The following H6PD variants were observed in gnomAD, a reference collection of about 807,000 sequenced individuals.
The protein encoded by H6PD is GDH/6PGL endoplasmic bifunctional protein.
A neutral mutation model predicts 61.2 loss-of-function variants in H6PD; 48 were observed. The observed-to-expected ratio is 0.78, with a 90% CI of 0.62 to 1.00. H6PD has a LOEUF of 1.00. Among genes scored for constraint, H6PD ranks in the 50% least tolerant of loss-of-function variants. The pLI is 0.00. For synonymous variants in H6PD, 480 were observed against 457.9 expected (o/e 1.05, Z -0.62); for missense variants, 1,093 against 1,065.0 (o/e 1.03, Z -0.37).
chr1:9,253,873 G>T (rs1414838826), intron 3 of H6PD, among the ~76,000 whole-genome samples: 1 of 152,218 alleles, frequency 6.6e-6, no homozygotes, highest in East Asian at 1.9e-4. Context: ...TCTGTCATAA[G>T]AAAAATTCCA....
chr1:9,247,111 C>A, intron 3 of H6PD, 28 bp downstream of exon 3: 1 of 1,418,170 alleles, frequency 7.1e-7, no homozygotes, highest in South Asian at 1.1e-5. Flanking sequence ...CGCACTCGGT[C>A]CCCCAGCCTC....
In H6PD at chr1:9,253,592, C is replaced by T. The variant is rs144363355; in HGVS notation, c.745+6509C>T. ...TTCTTTCTTAGGGGTTATAAAACAG[C>T]GATGCTTCCGCCACTGATGGCATTT... On this transcript the variant is annotated intron_variant, in intron 3 of 4. Coordinates refer to ENST00000377403, the MANE Select transcript of H6PD (RefSeq NM_004285.4). 2.5e-3 allele frequency among the ~76,000 whole-genome samples: 378 copies of T among 152,290 alleles called. 2 individuals carry two copies. Among genetic ancestry groups the T allele is most frequent in the African/African-American group, 7.8e-3 (323 of 41,564 alleles).
intron 3 of H6PD, among the ~76,000 whole-genome samples, chr1:9,248,403 G>A (rs1557740100): frequency 6.6e-6 from 1 of 152,228 alleles, no homozygotes; most frequent in Non-Finnish European, 1.5e-5. Context: ...AGGTGCCACA[G>A]TGAGGTACAA....
Position 9,245,139 on chromosome 1 carries a change from G to A in H6PD, c.205G>A (p.Ala69Thr), listed in dbSNP as rs1462197453. Residue 69 changes from alanine to threonine, a missense_variant, in exon 2 of 5, where the codon GCC (alanine) becomes ACC (threonine). Physicochemically the swap from Ala to Thr is moderately conservative, Grantham distance 58. Transcript: ENST00000377403. This position sits in a 1 kb window ranked among gnomAD's most constrained non-coding sequence, Gnocchi z 4.8. ...SFSFHGAALT[A>T]PKQGQELMAK... The stretch of plus-strand genomic sequence containing the variant: ...TAGCTTCCATGGAGCTGCTCTGACA[G>A]CCCCCAAGCAGGGTCAAGAGCTCAT... The A allele has an allele frequency of 3.1e-6, 5 of 1,614,196 alleles. No homozygotes were observed. Among genetic ancestry groups the A allele is most frequent in the Non-Finnish European group, 4.2e-6 (5 of 1,180,030 alleles).
At position 9,264,304 on chromosome 1, in the gene H6PD, C is replaced by T. The variant is rs376136980; in HGVS notation, c.1811C>T (p.Thr604Met). 3.2e-5 allele frequency: 52 copies of T among 1,611,074 alleles called. No homozygotes were observed. The highest frequency in any genetic ancestry group is 1.6e-4 in the Middle Eastern group (1 of 6,082). ...SPVALFQQLA[T>M]AHYGFPWAHT... ...GTGGCCCTGTTCCAGCAGCTGGCCA[C>T]GGCGCACTATGGCTTCCCCTGGGCC... The change falls in exon 5 of 5, where the codon ACG becomes ATG. Residue 604 changes from threonine (T) to methionine (M), a missense_variant. Physicochemically the swap from Thr to Met is moderately conservative, Grantham distance 81 (BLOSUM62 -1). Coordinates refer to ENST00000377403, the MANE Select transcript of H6PD (RefSeq NM_004285.4).
chr1:9,253,183 G>C (rs903074773), intron 3 of H6PD, among the ~76,000 whole-genome samples: 3 of 152,122 alleles, frequency 2.0e-5, no homozygotes, highest in African/African-American at 7.2e-5. Flanking sequence ...AGCCAACCAG[G>C]CAAAGTCCAT....
chr1:9,258,160 T>C (rs1299617046), intron 3 of H6PD, among the ~76,000 whole-genome samples: 1 of 152,264 alleles, frequency 6.6e-6, no homozygotes, highest in African/African-American at 2.4e-5. Flanking sequence ...GGTGTTGTTA[T>C]GCTGGTGTTG....
At chr1:9,239,111 A>G (rs1050349163) in intron 1 of H6PD, among the ~76,000 whole-genome samples, 2 of 151,910 alleles carry the variant, frequency 1.3e-5, no homozygotes, top group Non-Finnish European at 2.9e-5. Context: ...CAGTGGTGCA[A>G]TCTCTGCTCA....
Position 9,269,062 on chromosome 1 carries a change from C to A in H6PD, c.*4193C>A, listed in dbSNP as rs1638664418. On this transcript the variant is annotated 3_prime_UTR_variant, in exon 5 of 5. Coordinates refer to ENST00000377403, the MANE Select transcript of H6PD (RefSeq NM_004285.4). The surrounding 1 kb of genome is among the most constrained non-coding windows in gnomAD (Gnocchi z 4.3). ...CCACTGATTTAAAAAAAAAAAACTG[C>A]CTGGCAGCATCTCAGTGTCAGAGTG... 1 of 152,082 alleles carries A rather than the reference C, an allele frequency of 6.6e-6. No homozygotes were observed. The highest frequency in any genetic ancestry group is 2.4e-5 in the African/African-American group (1 of 41,416). The allele number at this position is 152,082 out of a possible 1,614,324, so 9.4% of individuals were successfully genotyped here. A position where few individuals can be genotyped will look rare whatever the true frequency, so the allele number is the denominator to read the frequency against.
rs1029110614 is a variant in H6PD, at chr1:9,254,291, G to T, written c.745+7208G>T. Among the ~76,000 whole-genome samples, 3 of 152,122 alleles carry T rather than the reference G, an allele frequency of 2.0e-5. No homozygotes were observed. The highest frequency in any genetic ancestry group is 2.4e-5 in the African/African-American group (1 of 41,404). ...AATTGCTTGAACCCAGGAGGCGAAG[G>T]TTACAGTGAGCCAAGATCGCGCCAC... On this transcript the variant is annotated intron_variant, in intron 3 of 4. Coordinates refer to ENST00000377403, the MANE Select transcript of H6PD (RefSeq NM_004285.4). The surrounding 1 kb of genome is among the most constrained non-coding windows in gnomAD (Gnocchi z 4.6).
rs1270501855 is a variant in H6PD, at chr1:9,270,256, G to A, written c.*5387G>A. On this transcript the variant is annotated 3_prime_UTR_variant, in exon 5 of 5. Transcript: ENST00000377403. The stretch of plus-strand genomic sequence containing the variant: ...AGTCTGCATCTTTTCTTCCCTTGGT[G>A]TGGGAGAGGTAAACACTTTGATTTG... 6.6e-6 allele frequency: 1 copy of A among 152,636 alleles called. No individual in the cohort carries two copies. Among genetic ancestry groups the A allele is most frequent in the Non-Finnish European group, 1.5e-5 (1 of 68,046 alleles). 9.5% of individuals were successfully genotyped at this position (152,636 alleles called of 1,614,324 possible). A position where few individuals can be genotyped will look rare whatever the true frequency, so the allele number is the denominator to read the frequency against.
intron 1 of H6PD, among the ~76,000 whole-genome samples, chr1:9,241,124 G>A (rs1036018487): frequency 1.3e-5 from 2 of 152,176 alleles, no homozygotes; most frequent in African/African-American, 4.8e-5. Flanking sequence ...AGGAGAGGAG[G>A]GAGGTTCACA....
rs751137186 is a variant in H6PD, at chr1:9,264,100, C to T, written c.1607C>T (p.Pro536Leu). 40 of 1,613,824 alleles carry T rather than the reference C, an allele frequency of 2.5e-5. No individual in the cohort carries two copies. Among genetic ancestry groups the T allele is most frequent in the East Asian group, 1.8e-4 (8 of 44,890 alleles). The change falls in exon 5 of 5, where the codon CCG (proline) becomes CTG (leucine). Residue 536 changes from proline (P) to leucine (L), a missense_variant. Transcript: ENST00000377403. ...QPEQLVPGPG[P>L]APMPSDFQVL... ...GAGCAGCTGGTGCCAGGGCCAGGGC[C>T]GGCCCCAATGCCCAGTGACTTCCAG...
intron 3 of H6PD, among the ~76,000 whole-genome samples, chr1:9,252,444 G>A (rs1641397221): frequency 6.6e-6 from 1 of 151,936 alleles, no homozygotes; most frequent in Non-Finnish European, 1.5e-5. Flanking sequence ...ATGTTACCCA[G>A]GCTGGTCTTG....
intron 1 of H6PD, among the ~76,000 whole-genome samples, chr1:9,237,855 C>G (rs1570073379): frequency 6.6e-6 from 1 of 152,260 alleles, no homozygotes. Flanking sequence ...GTTCATTTAG[C>G]AGATATTTAT....
At chr1:9,242,974 G>A (rs973695625) in intron 1 of H6PD, 2 of 985,414 alleles carry the variant, frequency 2.0e-6, no homozygotes, top group African/African-American at 3.5e-5. Flanking sequence ...TGTGGTCCGT[G>A]TGTGTATTTA....
At chr1:9,258,241 T>G (rs563454366) in intron 3 of H6PD, among the ~76,000 whole-genome samples, 4 of 152,102 alleles carry the variant, frequency 2.6e-5, no homozygotes, top group South Asian at 4.2e-4. Flanking sequence ...GCTGGTGGTG[T>G]TATGTTGGTG....
chr1:9,242,827 G>C (rs1441723633), intron 1 of H6PD: 2 of 985,386 alleles, frequency 2.0e-6, no homozygotes, highest in Admixed American at 6.1e-5. Context: ...CTGGGCTTCA[G>C]ATTTCTTGCT....
At chr1:9,257,697 C>T (rs141914357) in intron 3 of H6PD, among the ~76,000 whole-genome samples, 37 of 152,312 alleles carry the variant, frequency 2.4e-4, no homozygotes, top group African/African-American at 7.9e-4. Flanking sequence ...GCCAGGGCCC[C>T]TCAGAAGGGG....
Sources: gnomAD v4.1 joint callset for allele counts (sites outside exome capture counted in the v4.1 genomes callset) on GRCh38, gnomAD v4.1.1 for gene constraint, Gnocchi (gnomAD v3.1) non-coding constraint, MANE v1.5 for transcripts, NCBI Gene and HGNC (gene_info 2026-07-23, HGNC 2026-07-21) for gene names.